The following HADHB variants were observed in gnomAD, a reference collection of about 807,000 sequenced individuals.
HADHB encodes the protein trifunctional enzyme subunit beta, mitochondrial.
In HADHB, 50 loss-of-function variants were observed where a neutral mutation model predicts 61.9. The ratio of observed to expected loss-of-function variants is 0.81; its 90% CI spans 0.64 to 1.02. HADHB has a LOEUF of 1.02. Among genes scored for constraint, HADHB ranks in the 50% least tolerant of loss-of-function variants. The probability of loss-of-function intolerance (pLI) is 0.00; values close to 1 mark genes in which losing one functional copy is unlikely to be tolerated. For synonymous variants in HADHB, 191 were observed against 201.6 expected (o/e 0.95, Z 0.45); for missense variants, 504 against 586.5 (o/e 0.86, Z 1.45).
In HADHB at chr2:26,283,057, T is replaced by C; in HGVS notation, c.1061+6T>C. 1 of 1,581,376 alleles carries C rather than the reference T, an allele frequency of 6.3e-7. No individual in the cohort carries two copies. The highest frequency in any genetic ancestry group is 8.7e-7 in the Non-Finnish European group (1 of 1,150,060). On this transcript the variant is annotated splice_donor_region_variant and intron_variant, in intron 12 of 15. Transcript: ENST00000317799. Reference sequence around the variant, plus strand: ...AAAGATCAACTATTACTTGGGTAGGTAGCAGTTTGTATCCTTGGACTATAA... The same window carrying C: ...AAAGATCAACTATTACTTGGGTAGGCAGCAGTTTGTATCCTTGGACTATAA...
intron 3 of HADHB, among the ~76,000 whole-genome samples, chr2:26,255,874 T>C (rs1282902680): frequency 6.6e-6 from 1 of 152,232 alleles, no homozygotes; most frequent in East Asian, 1.9e-4. Context: ...AAATAATTCC[T>C]GTCTGTCTTG....
At chr2:26,250,345 G>A (rs1413260730) in intron 1 of HADHB, among the ~76,000 whole-genome samples, 2 of 151,828 alleles carry the variant, frequency 1.3e-5, no homozygotes, top group African/African-American at 4.8e-5. Flanking sequence ...ATGGATTATG[G>A]GTATCAACCC....
intron 6 of HADHB, among the ~76,000 whole-genome samples, chr2:26,275,379 G>C (rs1257161013): frequency 6.6e-6 from 1 of 152,166 alleles, no homozygotes. Context: ...ATATTTCCCT[G>C]TTCTCCAGCT....
intron 12 of HADHB, 81 bp downstream of exon 12, chr2:26,283,132 T>A: frequency 1.1e-6 from 1 of 885,686 alleles, no homozygotes; most frequent in Non-Finnish European, 1.9e-6. Context: ...AATAAATGAT[T>A]AACACTGGTT....
chr2:26,284,236 C>T (rs1672923189), intron 13 of HADHB, 32 bp downstream of exon 13: 1 of 1,108,884 alleles, frequency 9.0e-7, no homozygotes, highest in Non-Finnish European at 1.4e-6. Flanking sequence ...TATGAAGGGA[C>T]TATAGTCATA....
intron 10 of HADHB, among the ~76,000 whole-genome samples, chr2:26,281,655 CT>C (rs1195019683): frequency 2.0e-5 from 3 of 152,192 alleles, no homozygotes; most frequent in African/African-American, 7.2e-5. Flanking sequence ...ATTTTGGGGA[CT>C]GCATTAGTGC....
intron 15 of HADHB, among the ~76,000 whole-genome samples, chr2:26,289,231 C>T (rs554462600): frequency 3.3e-5 from 5 of 152,074 alleles, no homozygotes; most frequent in South Asian, 4.2e-4. Context: ...GCCTGGGCAA[C>T]GGCGAGGCAC....
intron 1 of HADHB, among the ~76,000 whole-genome samples, chr2:26,246,449 C>T (rs894025274): frequency 6.6e-6 from 1 of 151,608 alleles, no homozygotes; most frequent in Non-Finnish European, 1.5e-5. Context: ...AAGTGATTCT[C>T]CTGCCTCAGG....
chr2:26,271,700 G>A (rs1286187479), intron 5 of HADHB, among the ~76,000 whole-genome samples: 1 of 151,974 alleles, frequency 6.6e-6, no homozygotes. Flanking sequence ...GGAAACCAAG[G>A]CAGGAGGATC....
chr2:26,252,554 A>G lies in HADHB; in HGVS notation c.-8-1693A>G, dbSNP rs114160267. ...TTTATACTGATACAAGGAAATGTAC[A>G]TAATATTTTTCCTCTTTTAACATGA... is the stretch of plus-strand genomic sequence containing the variant. On this transcript the variant is annotated intron_variant, in intron 1 of 15. Coordinates refer to ENST00000317799, the MANE Select transcript of HADHB (RefSeq NM_000183.3). Among the ~76,000 whole-genome samples the G allele has an allele frequency of 2.7e-3, 410 of 152,330 alleles. 1 individual carries two copies. The highest frequency in any genetic ancestry group is 9.6e-3 in the African/African-American group (400 of 41,570).
chr2:26,256,120 A>G (rs1183098512), intron 3 of HADHB, among the ~76,000 whole-genome samples: 1 of 152,208 alleles, frequency 6.6e-6, no homozygotes, highest in African/African-American at 2.4e-5. Context: ...CCCAGTGTAT[A>G]ACATGGTGTT....
chr2:26,285,399 G>A lies in HADHB; in HGVS notation c.1225-8G>A, dbSNP rs1430774773. The A allele has an allele frequency of 2.5e-6, 4 of 1,612,080 alleles. No individual in the cohort carries two copies. The highest frequency in any genetic ancestry group is 1.3e-5 in the African/African-American group (1 of 74,988). On this transcript the variant is annotated splice_polypyrimidine_tract_variant and splice_region_variant and intron_variant, in intron 14 of 15. Coordinates refer to ENST00000317799, the MANE Select transcript of HADHB (RefSeq NM_000183.3). ...TTATCTTTACATTTGTGTCTTTGGG[G>A]GAGCCAGGTTGGATTGCCTCCTTTG...
chr2:26,273,745 A>T lies in HADHB; in HGVS notation c.349A>T (p.Arg117Ter), dbSNP rs752901556. ...IQEVKTSNVAREAALGAGFSD... is the reference protein window; with the variant it reads ...IQEVKTSNVA ...GGAAGTGAAAACAAGCAATGTGGCT[A>T]GAGAGGTGAGTAAAACAAACTTTAT... Residue 117 changes from arginine to a stop codon, truncating the protein, a stop_gained, in exon 6 of 16, where the codon AGA becomes TGA. Transcript: ENST00000317799. LOFTEE classifies it high-confidence loss of function. 1 of 1,536,986 alleles carries T rather than the reference A, an allele frequency of 6.5e-7. No homozygotes were observed. Among genetic ancestry groups the T allele is most frequent in the Non-Finnish European group, 9.0e-7 (1 of 1,109,724 alleles).
At position 26,260,222 on chromosome 2, in the gene HADHB, T is replaced by C. The variant is rs140604825; in HGVS notation, c.110-3158T>C. Among the ~76,000 whole-genome samples, 1,179 of 151,734 alleles carry C rather than the reference T, an allele frequency of 7.8e-3. 21 individuals carry two copies. The highest frequency in any genetic ancestry group is 0.027 in the African/African-American group (1,105 of 41,356). On this transcript the variant is annotated intron_variant, in intron 3 of 15. Transcript: ENST00000317799. The stretch of plus-strand genomic sequence containing the variant: ...TCAGCCTCCCCAGTAGCTGGGATTA[T>C]AGGAGCGTACCACCGTGCCCAGCTA...
In HADHB at chr2:26,279,092, C is replaced by T. The variant is rs750107802; in HGVS notation, c.631-43C>T. ...AACAATCCTAGGTGTTAGCATAACA[C>T]CGGTTAACAGTGTACCTGCTCCTTG... is the stretch of plus-strand genomic sequence containing the variant. On this transcript the variant is annotated intron_variant, in intron 8 of 15. Coordinates refer to ENST00000317799, the MANE Select transcript of HADHB (RefSeq NM_000183.3). 10 of 1,486,776 alleles carry T rather than the reference C, an allele frequency of 6.7e-6. 1 individual carries two copies. The highest frequency in any genetic ancestry group is 1.7e-4 in the Middle Eastern group (1 of 5,806). The allele number at this position is 1,486,776 out of a possible 1,614,324, so 92.1% of individuals were successfully genotyped here.
At chr2:26,274,295 A>C (rs1408663627) in intron 6 of HADHB, among the ~76,000 whole-genome samples, 1 of 152,248 alleles carries the variant, frequency 6.6e-6, no homozygotes, top group Non-Finnish European at 1.5e-5. Flanking sequence ...AGATAATGAC[A>C]GGCCTTGGAA....
chr2:26,290,058 G>A lies in HADHB; in HGVS notation c.*105G>A, dbSNP rs1673201740. 1.2e-6 allele frequency: 1 copy of A among 837,074 alleles called. No homozygotes were observed. Among genetic ancestry groups the A allele is most frequent in the Non-Finnish European group, 2.1e-6 (1 of 476,532 alleles). 51.9% of individuals were successfully genotyped at this position (837,074 alleles called of 1,614,324 possible). On this transcript the variant is annotated 3_prime_UTR_variant, in exon 16 of 16. Transcript: ENST00000317799. ...ATTTGTAGTTCCTAGCTCCTCTTAGGAAAACAGTTCTTGTGGCCTTCTATT... is the reference window on the plus strand; with the variant it reads ...ATTTGTAGTTCCTAGCTCCTCTTAGAAAAACAGTTCTTGTGGCCTTCTATT...
At chr2:26,279,968 G>A (rs2147826367) in intron 9 of HADHB, 26 bp from the exon 10 acceptor site, 3 of 1,567,408 alleles carry the variant, frequency 1.9e-6, no homozygotes, top group Non-Finnish European at 1.8e-6. Flanking sequence ...GTTCCATAGA[G>A]TTAAAAAAAT....
chr2:26,284,165 G>A lies in HADHB; in HGVS notation c.1110G>A (p.Met370Ile). ...TTCTAGAAAAGGCAGGATTGACCAT[G>A]AATGATATTGATGCTTTTGAATTTC... Reference protein sequence around the residue: ...PKVLEKAGLTMNDIDAFEFHE... With the variant: ...PKVLEKAGLTINDIDAFEFHE... The change falls in exon 13 of 16, where the codon ATG becomes ATA. Residue 370 changes from methionine (M) to isoleucine (I), a missense_variant. Coordinates refer to ENST00000317799, the MANE Select transcript of HADHB (RefSeq NM_000183.3). 1 of 1,598,068 alleles carries A rather than the reference G, an allele frequency of 6.3e-7. No homozygotes were observed. The highest frequency in any genetic ancestry group is 1.1e-5 in the South Asian group (1 of 90,752).
Sources: gnomAD v4.1 joint callset for allele counts (sites outside exome capture counted in the v4.1 genomes callset) on GRCh38, gnomAD v4.1.1 for gene constraint, MANE v1.5 for transcripts, NCBI Gene and HGNC (gene_info 2026-07-23, HGNC 2026-07-21) for gene names.